CMSS1: variants seen among roughly 807,000 people sequenced by gnomAD.
The protein encoded by CMSS1 is cms1 ribosomal small subunit homolog, also known as protein CMSS1.
Under a neutral mutation model 43.5 loss-of-function variants are expected in CMSS1, and 33 were observed. The observed-to-expected ratio is 0.76, with a 90% CI of 0.57 to 1.01. The LOEUF is 1.01. Among genes scored for constraint, CMSS1 ranks in the 50% least tolerant of loss-of-function variants. The probability of loss-of-function intolerance (pLI) is 0.00; values close to 1 mark genes in which losing one functional copy is unlikely to be tolerated. For synonymous variants in CMSS1, 115 were observed against 117.2 expected (o/e 0.98, Z 0.12); for missense variants, 313 against 326.4 (o/e 0.96, Z 0.32).
At chr3:99,945,544 G>A (rs1362587729) in intron 1 of CMSS1, among the ~76,000 whole-genome samples, 2 of 152,052 alleles carry the variant, frequency 1.3e-5, no homozygotes, top group African/African-American at 4.8e-5. Flanking sequence ...AATTAAGGAG[G>A]GAAACAAAGA....
At chr3:99,974,967 AT>A in intron 1 of CMSS1, among the ~76,000 whole-genome samples, 1 of 152,308 alleles carries the variant, frequency 6.6e-6, no homozygotes, top group Middle Eastern at 3.4e-3. Flanking sequence ...AAGCTAGAAA[AT>A]AATACCATTT....
chr3:99,838,926 C>A (rs748889607), intron 1 of CMSS1, among the ~76,000 whole-genome samples: 8 of 152,130 alleles, frequency 5.3e-5, no homozygotes, highest in Non-Finnish European at 1.2e-4. Context: ...ATTCATGGTT[C>A]TTCACAATCA....
chr3:100,050,397 T>C lies in CMSS1; in HGVS notation c.65-96576T>C, dbSNP rs115681374. On this transcript the variant is annotated intron_variant, in intron 1 of 9. Transcript: ENST00000421999. ...GCTCAGTATGAAAATTTTAAATCTC[T>C]TAAAATTGATTATAAAATGTTTTAA... Among the ~76,000 whole-genome samples the C allele has an allele frequency of 9.2e-3, 1,405 of 152,340 alleles. 9 individuals are homozygous for C. The highest frequency in any genetic ancestry group is 0.027 in the Middle Eastern group (8 of 294).
intron 1 of CMSS1, among the ~76,000 whole-genome samples, chr3:100,094,547 A>T (rs1009144453): frequency 2.0e-5 from 3 of 151,324 alleles, no homozygotes; most frequent in African/African-American, 7.3e-5. Flanking sequence ...AGAGAATTTT[A>T]TGTTTTACAT....
intron 1 of CMSS1, among the ~76,000 whole-genome samples, chr3:99,842,830 A>C (rs1440570540): frequency 6.6e-6 from 1 of 152,182 alleles, no homozygotes; most frequent in Non-Finnish European, 1.5e-5. Context: ...AAGTGCTCCC[A>C]TGTAAATGGT....
intron 1 of CMSS1, among the ~76,000 whole-genome samples, chr3:100,085,118 A>C (rs1246159212): frequency 6.6e-6 from 1 of 152,228 alleles, no homozygotes; most frequent in Non-Finnish European, 1.5e-5. Context: ...GCTGCTCAAT[A>C]GAATCACAAG....
intron 1 of CMSS1, among the ~76,000 whole-genome samples, chr3:99,880,856 G>A (rs538294330): frequency 1.8e-4 from 27 of 152,014 alleles, no homozygotes; most frequent in Non-Finnish European, 3.4e-4. Flanking sequence ...CATCATTTTC[G>A]TAGTGTGGAT....
At chr3:100,145,379 C>T (rs1024468479) in intron 1 of CMSS1, among the ~76,000 whole-genome samples, 7 of 151,594 alleles carry the variant, frequency 4.6e-5, no homozygotes, top group South Asian at 2.1e-4. Context: ...ATCCGGGAGG[C>T]GGAGGTTGCA....
At chr3:100,051,060 T>C (rs1163612169) in intron 1 of CMSS1, among the ~76,000 whole-genome samples, 1 of 150,936 alleles carries the variant, frequency 6.6e-6, no homozygotes, top group Admixed American at 6.6e-5. Context: ...AAAAGTGATA[T>C]TTTATTAGTA....
chr3:99,994,692 A>C (rs571758717), intron 1 of CMSS1, among the ~76,000 whole-genome samples: 1 of 152,304 alleles, frequency 6.6e-6, no homozygotes, highest in Non-Finnish European at 1.5e-5. Flanking sequence ...GACTGGAAAG[A>C]AAAAGAGTGC....
At chr3:99,941,481 T>C (rs1038919948) in intron 1 of CMSS1, among the ~76,000 whole-genome samples, 11 of 152,108 alleles carry the variant, frequency 7.2e-5, no homozygotes, top group South Asian at 2.1e-4. Context: ...AGGTAGAAGG[T>C]GGATGAAAAA....
rs186454505 is a variant in CMSS1 at position 99,913,546 on chromosome 3, C to G, written c.64+95503C>G. Among the ~76,000 whole-genome samples, 761 of 152,120 alleles carry G rather than the reference C, an allele frequency of 5.0e-3. 5 individuals are homozygous for G. The highest frequency in any genetic ancestry group is 0.017 in the African/African-American group (719 of 41,472). ...TACAATCTAAAGCTCATAAGGTGGC[C>G]TGGCTAAATGAATTGCATCTATAAA... On this transcript the variant is annotated intron_variant, in intron 1 of 9. Transcript: ENST00000421999.
At chr3:100,147,741 C>G (rs1223106137) in intron 2 of CMSS1, among the ~76,000 whole-genome samples, 1 of 152,178 alleles carries the variant, frequency 6.6e-6, no homozygotes, top group Non-Finnish European at 1.5e-5. Flanking sequence ...GATTACAGCA[C>G]CAGGCCATGC....
In CMSS1 at chr3:100,065,117, A is replaced by G. The variant is rs145625355; in HGVS notation, c.65-81856A>G. Among the ~76,000 whole-genome samples, 193 of 152,298 alleles carry G rather than the reference A, an allele frequency of 1.3e-3. 1 individual carries two copies. The highest frequency in any genetic ancestry group is 2.0e-3 in the Admixed American group (31 of 15,294). On this transcript the variant is annotated intron_variant, in intron 1 of 9. Coordinates refer to ENST00000421999, the MANE Select transcript of CMSS1 (RefSeq NM_032359.4). ...TGAATTATAAGACAGTATGGAATGT[A>G]TATATAATTAATATATACACTGGGC... is the stretch of plus-strand genomic sequence containing the variant.
At chr3:99,933,931 T>C (rs1461071626) in intron 1 of CMSS1, among the ~76,000 whole-genome samples, 1 of 152,200 alleles carries the variant, frequency 6.6e-6, no homozygotes, top group Non-Finnish European at 1.5e-5. Flanking sequence ...TAACAATGGC[T>C]CAGAATTCTG....
chr3:100,157,451 T>G (rs1313865570), intron 2 of CMSS1, among the ~76,000 whole-genome samples: 5 of 152,214 alleles, frequency 3.3e-5, no homozygotes, highest in African/African-American at 9.6e-5. Context: ...TCCATTCTTA[T>G]TGAAGAGAGA....
chr3:100,062,239 G>A lies in CMSS1; in HGVS notation c.65-84734G>A, dbSNP rs557873570. ...CCATTCTCCTGCCTCAGCTGCCCGA[G>A]TAGCTGGGACTACAGGCGCTCGCCA... On this transcript the variant is annotated intron_variant, in intron 1 of 9. Coordinates refer to ENST00000421999, the MANE Select transcript of CMSS1 (RefSeq NM_032359.4). Among the ~76,000 whole-genome samples the A allele has an allele frequency of 7.9e-5, 12 of 151,146 alleles. No individual in the cohort carries two copies. The South Asian group carries it at 2.1e-3, about 26-fold the overall frequency.
intron 2 of CMSS1, among the ~76,000 whole-genome samples, chr3:100,155,250 ATCAT>A (rs1290982996): frequency 1.3e-4 from 20 of 152,298 alleles, no homozygotes; most frequent in African/African-American, 4.6e-4. Flanking sequence ...TCACTATTAC[ATCAT>A]TATGATGATG....
intron 1 of CMSS1, among the ~76,000 whole-genome samples, chr3:100,112,568 C>G (rs922458796): frequency 6.6e-6 from 1 of 152,152 alleles, no homozygotes; most frequent in African/African-American, 2.4e-5. Flanking sequence ...TACACATGAA[C>G]TTTAATAGAA....
Sources: allele counts gnomAD v4.1 joint callset (sites outside exome capture counted in the v4.1 genomes callset), GRCh38; gene constraint gnomAD v4.1.1; transcripts MANE v1.5; gene names NCBI Gene and HGNC (gene_info 2026-07-23, HGNC 2026-07-21).